Variants in INSL6 observed in about 807,000 individuals in gnomAD.
INSL6 encodes insulin like 6.
INSL6 carries 16 observed loss-of-function variants against 9.4 expected under a neutral mutation model. That is an observed-to-expected ratio of 1.70 (90% CI 1.15 to 2.59). INSL6 has a LOEUF of 2.59. INSL6 is among the 30% of genes most tolerant of loss of function. The pLI is 0.00. For missense variants in INSL6, 391 were observed against 257.3 expected (o/e 1.52, Z -3.56); for synonymous variants, 154 against 96.9 (o/e 1.59, Z -3.46).
chr9:5,119,012 CA>C (rs1823412339), downstream of INSL6, among the ~76,000 whole-genome samples: 1 of 152,050 alleles, frequency 6.6e-6, no homozygotes, highest in African/African-American at 2.4e-5. Flanking sequence ...TAAACTAATA[CA>C]TTCAGAAAAG....
At chr9:5,077,122 G>A in the INSL6 span, among the ~76,000 whole-genome samples, 2 of 151,458 alleles carry the variant, frequency 1.3e-5, no homozygotes, top group East Asian at 3.9e-4. Flanking sequence ...AAAGTTATGT[G>A]GAAGAGAAAT....
the INSL6 span, among the ~76,000 whole-genome samples, chr9:5,007,531 G>T: frequency 6.6e-6 from 1 of 151,824 alleles, no homozygotes; most frequent in Non-Finnish European, 1.5e-5. Flanking sequence ...TTTTGTTGAG[G>T]TATTAAGAAT....
At chr9:5,149,035 T>TA (rs949023428) in intron 2 of INSL6, among the ~76,000 whole-genome samples, 9 of 152,194 alleles carry the variant, frequency 5.9e-5, no homozygotes, top group African/African-American at 2.2e-4. Flanking sequence ...AGTAGGCACT[T>TA]ATGGCCAGTC....
the INSL6 span, chr9:5,091,124 T>C: frequency 1.2e-4 from 47 of 401,544 alleles, no homozygotes; most frequent in Admixed American, 1.2e-3. Context: ...TTAAGTGTTG[T>C]CTTATTTATA....
chr9:5,021,963 G>C, the INSL6 span: 2 of 1,546,494 alleles, frequency 1.3e-6, no homozygotes, highest in Non-Finnish European at 1.8e-6. Context: ...TCTCTTACAG[G>C]CAAATGTTCT....
At chr9:5,047,954 A>G in the INSL6 span, among the ~76,000 whole-genome samples, 1 of 152,038 alleles carries the variant, frequency 6.6e-6, no homozygotes, top group Non-Finnish European at 1.5e-5. Context: ...ACATACTATA[A>G]TATTTAAGGA....
the INSL6 span, among the ~76,000 whole-genome samples, chr9:5,007,774 C>T: frequency 2.1e-4 from 32 of 151,460 alleles, no homozygotes; most frequent in Middle Eastern, 6.8e-3. Context: ...GGCTGAACTG[C>T]AGTGGTGTGA....
downstream of INSL6, chr9:5,123,128 G>A: frequency 6.5e-7 from 1 of 1,542,252 alleles, no homozygotes; most frequent in Non-Finnish European, 8.8e-7. Flanking sequence ...AGCGGTCAGT[G>A]TGCTTTTTAT....
At chr9:5,021,482 A>T in the INSL6 span, among the ~76,000 whole-genome samples, 8 of 152,208 alleles carry the variant, frequency 5.3e-5, no homozygotes, top group Non-Finnish European at 1.2e-4. Flanking sequence ...TTTAAAATGT[A>T]TGATTTCTTG....
intron 2 of INSL6, among the ~76,000 whole-genome samples, chr9:5,144,818 G>C (rs1445495900): frequency 6.6e-6 from 1 of 152,052 alleles, no homozygotes; most frequent in Non-Finnish European, 1.5e-5. Flanking sequence ...CCATTTCCTT[G>C]GTAGATTTTT....
chr9:5,068,075 G>A, the INSL6 span, among the ~76,000 whole-genome samples: 445 of 151,890 alleles, frequency 2.9e-3, no homozygotes, highest in African/African-American at 0.01. Flanking sequence ...TAGGAGAAGC[G>A]CTTGAACCCG....
chr9:5,100,512 T>A, the INSL6 span: 1 of 152,234 alleles, frequency 6.6e-6, no homozygotes, highest in South Asian at 2.1e-4. Context: ...AGAAGTATTC[T>A]TCTTTGCTGG....
chr9:5,111,126 C>T, the INSL6 span: 2 of 1,155,474 alleles, frequency 1.7e-6, no homozygotes, highest in Middle Eastern at 2.8e-4. Flanking sequence ...TTGACCCCAG[C>T]TGGACGTTCA....
the INSL6 span, among the ~76,000 whole-genome samples, chr9:5,034,021 G>T: frequency 2.0e-5 from 3 of 152,078 alleles, no homozygotes; most frequent in Non-Finnish European, 4.4e-5. Context: ...ACACACATAG[G>T]CTCAAAATAA....
chr9:5,161,336 C>CTATTT (rs1824921847), downstream of INSL6, among the ~76,000 whole-genome samples: 1 of 152,134 alleles, frequency 6.6e-6, no homozygotes. Flanking sequence ...AACCATATGA[C>CTATTT]CATTTAAACT....
At chr9:5,122,192 T>C (rs1185041845), downstream of INSL6, among the ~76,000 whole-genome samples, 1 of 152,080 alleles carries the variant, frequency 6.6e-6, no homozygotes, top group African/African-American at 2.4e-5. Flanking sequence ...TTAATATCAG[T>C]CTAAAACACA....
chr9:5,020,381 G>C, the INSL6 span, among the ~76,000 whole-genome samples: 1 of 152,200 alleles, frequency 6.6e-6, no homozygotes, highest in Non-Finnish European at 1.5e-5. Context: ...TGCTGAGCTG[G>C]GCAGGGTGAG....
At chr9:5,124,081 T>C (rs776861097) in exon 4 of INSL6, among the ~76,000 whole-genome samples, 1 of 151,824 alleles carries the variant, frequency 6.6e-6, no homozygotes, top group Non-Finnish European at 1.5e-5. Flanking sequence ...GTTGAATTGC[T>C]TGAGTTCCTT....
At chr9:5,185,142 C>T (rs918103844) in intron 1 of INSL6, among the ~76,000 whole-genome samples, 172 bp downstream of exon 1, 5 of 151,980 alleles carry the variant, frequency 3.3e-5, no homozygotes, top group Admixed American at 6.5e-5. Context: ...AAAAAAAAAG[C>T]GCTTCATTGA....
Sources: allele counts gnomAD v4.1 joint callset (sites outside exome capture counted in the v4.1 genomes callset), GRCh38; gene constraint gnomAD v4.1.1; transcripts MANE v1.5; gene names NCBI Gene and HGNC (gene_info 2026-07-23, HGNC 2026-07-21).